The following RAB3IL1 variants were observed in gnomAD, a reference collection of about 807,000 sequenced individuals.
The protein encoded by RAB3IL1 is guanine nucleotide exchange factor for Rab-3A.
Under a neutral mutation model 49.2 loss-of-function variants are expected in RAB3IL1, and 37 were observed. The ratio of observed to expected loss-of-function variants is 0.75; its 90% CI spans 0.58 to 0.99. The LOEUF (loss-of-function observed/expected upper bound fraction) is 0.99. RAB3IL1 is among the 50% of genes least tolerant of loss of function. The pLI is 0.00. For missense variants in RAB3IL1, 484 were observed against 513.0 expected (o/e 0.94, Z 0.55); for synonymous variants, 193 against 213.9 (o/e 0.90, Z 0.85).
rs1208933719 is a variant in RAB3IL1, at chr11:61,898,260, T to C, written c.*18A>G. ...GTTTGCTCTGTCTCAGAGCTCCCCT[T>C]CAGGCCTGGGCCGCGCCCTAAGCCT... On this transcript the variant is annotated 3_prime_UTR_variant, in exon 10 of 10. Coordinates refer to ENST00000394836, the MANE Select transcript of RAB3IL1 (RefSeq NM_013401.4). The surrounding 1 kb of genome is among the most constrained non-coding windows in gnomAD (Gnocchi z 5.1). 2 of 1,610,082 alleles carry C rather than the reference T, an allele frequency of 1.2e-6. No homozygotes were observed. The highest frequency in any genetic ancestry group is 2.7e-5 in the African/African-American group (2 of 74,908).
At chr11:61,904,706 G>T (rs1939091612) in intron 6 of RAB3IL1, 48 bp from the exon 7 acceptor site, 1 of 1,585,120 alleles carries the variant, frequency 6.3e-7, no homozygotes, top group South Asian at 1.1e-5. Context: ...GCTGGGCCCT[G>T]GCGGAGGGGT....
At chr11:61,904,500 G>C (rs752636377) in intron 7 of RAB3IL1, 46 bp downstream of exon 7, 79 of 1,531,858 alleles carry the variant, frequency 5.2e-5, no homozygotes, top group Admixed American at 1.7e-4. Flanking sequence ...ACGGCTTGGC[G>C]GGGCTTTCCC....
the RAB3IL1 span, among the ~76,000 whole-genome samples, chr11:61,925,880 A>G: frequency 6.6e-6 from 1 of 152,188 alleles, no homozygotes; most frequent in African/African-American, 2.4e-5. Context: ...GGCTCCAAGG[A>G]GATGGTTAAA....
chr11:61,910,115 T>C (rs1477563557), intron 1 of RAB3IL1, among the ~76,000 whole-genome samples: 1 of 152,134 alleles, frequency 6.6e-6, no homozygotes, highest in Non-Finnish European at 1.5e-5. Context: ...GTGAAGGGAC[T>C]TGTCAGGGGT....
chr11:61,913,390 C>T (rs1939544934), intron 1 of RAB3IL1, among the ~76,000 whole-genome samples: 1 of 152,120 alleles, frequency 6.6e-6, no homozygotes, highest in African/African-American at 2.4e-5. Context: ...GAGAAGGGCA[C>T]AACAGCATGT....
chr11:61,903,893 G>A (rs984039267), intron 7 of RAB3IL1, among the ~76,000 whole-genome samples: 1 of 151,900 alleles, frequency 6.6e-6, no homozygotes, highest in African/African-American at 2.4e-5. Context: ...TTATACTCTG[G>A]CCCCAACAGC....
chr11:61,928,399 C>T, the RAB3IL1 span, among the ~76,000 whole-genome samples: 1 of 151,966 alleles, frequency 6.6e-6, no homozygotes, highest in Non-Finnish European at 1.5e-5. Flanking sequence ...CTAGGACCCT[C>T]AAAATATATG....
At chr11:61,934,450 GTATATATA>G in the RAB3IL1 span, among the ~76,000 whole-genome samples, 1,362 of 31,626 alleles carry the variant, frequency 0.043, 114 homozygotes, top group African/African-American at 0.1. Context: ...GTGTGTGTAT[GTATATATA>G]TATATATATA....
chr11:61,937,120 A>T, the RAB3IL1 span, among the ~76,000 whole-genome samples: 16 of 152,308 alleles, frequency 1.1e-4, no homozygotes, highest in Admixed American at 2.0e-4. Flanking sequence ...TATATAATTT[A>T]AAATACATCT....
At chr11:61,930,551 G>A in the RAB3IL1 span, among the ~76,000 whole-genome samples, 1 of 152,146 alleles carries the variant, frequency 6.6e-6, no homozygotes, top group Non-Finnish European at 1.5e-5. Context: ...GGCTGAGAAG[G>A]GAGGATCACT....
intron 8 of RAB3IL1, among the ~76,000 whole-genome samples, chr11:61,899,913 C>T (rs1938817688): frequency 6.6e-6 from 1 of 152,236 alleles, no homozygotes; most frequent in Non-Finnish European, 1.5e-5. Context: ...AGGCCTGCTC[C>T]ATGCCAGGCC....
At position 61,898,783 on chromosome 11, in the gene RAB3IL1, C is replaced by T. The variant is rs111299897; in HGVS notation, c.1067-423G>A. The T allele has an allele frequency of 8.5e-3, 4,001 of 470,964 alleles. 75 individuals carry two copies. Among genetic ancestry groups the T allele is most frequent in the South Asian group, 0.034 (2,219 of 64,680 alleles). 29.2% of individuals were successfully genotyped at this position (470,964 alleles called of 1,614,324 possible). ...TAGCAGGTGTCAACACCCAGCATGCCTTGGCCTTGGCCTCCAAGAGGACTT... is the reference window on the plus strand; with the variant it reads ...TAGCAGGTGTCAACACCCAGCATGCTTTGGCCTTGGCCTCCAAGAGGACTT... On this transcript the variant is annotated intron_variant, in intron 9 of 9. Coordinates refer to ENST00000394836, the MANE Select transcript of RAB3IL1 (RefSeq NM_013401.4). The surrounding 1 kb of genome is among the most constrained non-coding windows in gnomAD (Gnocchi z 5.1).
Position 61,906,809 on chromosome 11 carries a change from C to G in RAB3IL1, c.439-125G>C. ...GACAGGCACTTAGTCCCACCCGACG[C>G]CCTCAGAACAGCCTTCGAGGCAGAG... On this transcript the variant is annotated intron_variant, in intron 4 of 9. Transcript: ENST00000394836. This position sits in a 1 kb window ranked among gnomAD's most constrained non-coding sequence, Gnocchi z 4.6. 1 of 895,890 alleles carries G rather than the reference C, an allele frequency of 1.1e-6. No individual in the cohort carries two copies. Among genetic ancestry groups the G allele is most frequent in the South Asian group, 1.4e-5 (1 of 70,440 alleles). The allele number at this position is 895,890 out of a possible 1,614,324, so 55.5% of individuals were successfully genotyped here. A position where few individuals can be genotyped will look rare whatever the true frequency, so the allele number is the denominator to read the frequency against.
chr11:61,917,918 C>A (rs1358522467), upstream of RAB3IL1, among the ~76,000 whole-genome samples: 1 of 152,226 alleles, frequency 6.6e-6, no homozygotes, highest in Non-Finnish European at 1.5e-5. Flanking sequence ...GCCCTCCTTC[C>A]CTAGGCTGTC....
chr11:61,907,785 T>C (rs1251114501), intron 2 of RAB3IL1, 125 bp from the exon 3 acceptor site: 1 of 961,424 alleles, frequency 1.0e-6, no homozygotes, highest in Non-Finnish European at 1.6e-6. Flanking sequence ...GTTTATTTCC[T>C]CTGGTGCCTG....
At chr11:61,935,635 C>T in the RAB3IL1 span, among the ~76,000 whole-genome samples, 1 of 151,910 alleles carries the variant, frequency 6.6e-6, no homozygotes. Flanking sequence ...CTGCCTCAGC[C>T]TCCCGAATAG....
intron 1 of RAB3IL1, among the ~76,000 whole-genome samples, chr11:61,912,254 C>T (rs1346363241): frequency 6.6e-6 from 1 of 152,194 alleles, no homozygotes; most frequent in East Asian, 1.9e-4. Context: ...GGGCCTGGCT[C>T]CCCGGGGCGG....
upstream of RAB3IL1, among the ~76,000 whole-genome samples, chr11:61,918,974 C>T (rs1418904189): frequency 6.6e-6 from 1 of 152,216 alleles, no homozygotes; most frequent in Non-Finnish European, 1.5e-5. Flanking sequence ...CCCAGCCCAG[C>T]TCAGGGTCTG....
At position 61,917,488 on chromosome 11, in the gene RAB3IL1, C is replaced by G. The variant is rs1306469173; in HGVS notation, c.-121G>C. On this transcript the variant is annotated 5_prime_UTR_variant, in exon 1 of 10. Transcript: ENST00000394836. ...GCCGCCCCACCGCCTGTCAGCCCTG[C>G]CCGCGGCCGGTCAGTAGGTCTCAGA... The G allele has an allele frequency of 2.4e-5, 27 of 1,146,898 alleles. No individual in the cohort carries two copies. Among genetic ancestry groups the G allele is most frequent in the Non-Finnish European group, 2.8e-5 (26 of 935,150 alleles). 71.0% of individuals were successfully genotyped at this position (1,146,898 alleles called of 1,614,324 possible). A position where few individuals can be genotyped will look rare whatever the true frequency, so the allele number is the denominator to read the frequency against.
Sources: allele counts gnomAD v4.1 joint callset (sites outside exome capture counted in the v4.1 genomes callset), GRCh38; gene constraint gnomAD v4.1.1; non-coding constraint Gnocchi (gnomAD v3.1); transcripts MANE v1.5; gene names NCBI Gene and HGNC (gene_info 2026-07-23, HGNC 2026-07-21).